Variants in OTOGL observed in about 807,000 individuals in gnomAD.
OTOGL encodes the protein otogelin-like protein.
In OTOGL, 285 loss-of-function variants were observed where a neutral mutation model predicts 318.5. That is an observed-to-expected ratio of 0.89 (90% confidence interval 0.81 to 0.99). The LOEUF (loss-of-function observed/expected upper bound fraction) is 0.99. OTOGL is among the 50% of genes least tolerant of loss of function. OTOGL has a pLI of 0.00. For synonymous variants in OTOGL, 987 were observed against 936.5 expected, an observed-to-expected ratio of 1.05 and a Z score of -0.99; for missense variants, 2,899 against 2,845.6, an observed-to-expected ratio of 1.02 and a Z score of -0.43.
intron 22 of OTOGL, among the ~76,000 whole-genome samples, chr12:80,269,120 T>A (rs1211583150): frequency 6.6e-6 from 1 of 152,108 alleles, no homozygotes; most frequent in African/African-American, 2.4e-5. Context: ...CAGTGGTGAA[T>A]CACACCTCTG....
chr12:80,302,889 T>A (rs1279942790), intron 28 of OTOGL, 106 bp downstream of exon 28: 1 of 1,073,158 alleles, frequency 9.3e-7, no homozygotes, highest in African/African-American at 1.6e-5. Context: ...AGAACTAGGT[T>A]ATATTTCCAG....
chr12:80,144,126 A>T (rs1355196955), intron 1 of OTOGL, among the ~76,000 whole-genome samples: 23 of 151,934 alleles, frequency 1.5e-4, no homozygotes, highest in Admixed American at 7.9e-4. Context: ...TACATATGTA[A>T]ACATGTGCCA....
At position 80,367,715 on chromosome 12, in the gene OTOGL, G is replaced by A; in HGVS notation, c.6486G>A (p.Val2162=). The A allele has an allele frequency of 7.0e-7, 1 of 1,431,750 alleles. No individual in the cohort carries two copies. Among genetic ancestry groups the A allele is most frequent in the Non-Finnish European group, 9.2e-7 (1 of 1,085,716 alleles). 88.7% of individuals were successfully genotyped at this position (1,431,750 alleles called of 1,614,324 possible). Residue 2162 remains valine (V), a synonymous_variant, in exon 54 of 59, where the codon GTG becomes GTA. Transcript: ENST00000547103. ...TTCACACTCTGAATTTTACACTGGT[G>A]AATTGTTCAAAAAAATGTGATGTTG... ...TGFHTLNFTL[V]NCSKKCDVHQ...
intron 1 of OTOGL, among the ~76,000 whole-genome samples, chr12:80,107,666 G>A (rs767724240): frequency 1.8e-4 from 27 of 151,888 alleles, no homozygotes; most frequent in Non-Finnish European, 2.6e-4. Flanking sequence ...TCATTGCAGC[G>A]CTGTTTACAA....
intron 1 of OTOGL, among the ~76,000 whole-genome samples, chr12:80,124,349 G>A (rs1054318884): frequency 6.5e-4 from 99 of 152,168 alleles, no homozygotes; most frequent in Admixed American, 2.2e-3. Context: ...GATAGTTGTA[G>A]ATATGCGGTA....
At position 80,352,454 on chromosome 12, in the gene OTOGL, G is replaced by GAAT. The variant is rs147703967; in HGVS notation, c.5407+20_5407+22dup. ...TTACTGCTGTGAGTAACTGTTAACTGAATATTTTTCCATCATAAATAAATT... is the reference window on the plus strand; with the variant it reads ...TTACTGCTGTGAGTAACTGTTAACTGAATAATATTTTTCCATCATAAATAAATT... On this transcript the variant is annotated intron_variant, in intron 45 of 58. Transcript: ENST00000547103. 1,514,941 of 1,516,136 alleles carry GAAT rather than the reference G, an allele frequency of 1. 756,883 individuals carry two copies. Among genetic ancestry groups the GAAT allele is most frequent in the Non-Finnish European group, 1 (1,128,379 of 1,128,398 alleles). 93.9% of individuals were successfully genotyped at this position (1,516,136 alleles called of 1,614,324 possible).
intron 1 of OTOGL, among the ~76,000 whole-genome samples, chr12:80,167,368 C>G (rs1345741012): frequency 6.6e-6 from 1 of 151,874 alleles, no homozygotes; most frequent in Non-Finnish European, 1.5e-5. Flanking sequence ...AATTGGAAGG[C>G]TTTTTTAAAA....
chr12:80,201,066 A>G (rs1232270670), intron 1 of OTOGL, among the ~76,000 whole-genome samples: 1 of 152,078 alleles, frequency 6.6e-6, no homozygotes, highest in Non-Finnish European at 1.5e-5. Context: ...ACCCTGTGGC[A>G]CCTCCCATCT....
intron 1 of OTOGL, among the ~76,000 whole-genome samples, chr12:80,149,648 C>T (rs1280964950): frequency 5.3e-5 from 8 of 152,238 alleles, no homozygotes; most frequent in African/African-American, 1.2e-4. Context: ...TGGGCAATGG[C>T]GGGCGCCCCT....
intron 4 of OTOGL, among the ~76,000 whole-genome samples, chr12:80,212,956 A>C (rs1240055215): frequency 6.6e-6 from 1 of 152,116 alleles, no homozygotes; most frequent in East Asian, 1.9e-4. Context: ...CCCAGATCCC[A>C]AGAGAGGGTT....
chr12:80,296,739 G>C, intron 26 of OTOGL, 88 bp from the exon 27 acceptor site: 1 of 1,034,356 alleles, frequency 9.7e-7, no homozygotes, highest in Non-Finnish European at 1.3e-6. Flanking sequence ...GCAATCCATT[G>C]TCAATATTTA....
At chr12:80,224,166 A>C (rs1475693405) in intron 7 of OTOGL, among the ~76,000 whole-genome samples, 1 of 152,082 alleles carries the variant, frequency 6.6e-6, no homozygotes, top group Non-Finnish European at 1.5e-5. Context: ...TTATCCCAGC[A>C]CCATTTGTTG....
intron 24 of OTOGL, among the ~76,000 whole-genome samples, chr12:80,275,840 T>C (rs1883761765): frequency 6.7e-6 from 1 of 149,028 alleles, no homozygotes; most frequent in South Asian, 2.1e-4. Flanking sequence ...ATCATTAACT[T>C]TTTTTTTTTG....
At chr12:80,301,351 A>G (rs1885746330) in intron 27 of OTOGL, among the ~76,000 whole-genome samples, 1 of 152,162 alleles carries the variant, frequency 6.6e-6, no homozygotes, top group Non-Finnish European at 1.5e-5. Flanking sequence ...TCTCTGCTTT[A>G]TCCTTTCTCC....
intron 1 of OTOGL, among the ~76,000 whole-genome samples, chr12:80,109,631 T>C (rs1869704601): frequency 6.6e-6 from 1 of 152,162 alleles, no homozygotes; most frequent in Non-Finnish European, 1.5e-5. Context: ...CTCAAAGGGA[T>C]CCATGTCTCT....
chr12:80,294,499 G>C (rs1486046589), intron 26 of OTOGL, among the ~76,000 whole-genome samples: 2 of 152,100 alleles, frequency 1.3e-5, no homozygotes, highest in Non-Finnish European at 2.9e-5. Context: ...AGGCAGAAAA[G>C]TATGACATTA....
rs546691704 is a variant in OTOGL, at chr12:80,123,302, C to T, written c.-20+23697C>T. Among the ~76,000 whole-genome samples, 8 of 151,884 alleles carry T rather than the reference C, an allele frequency of 5.3e-5. No individual in the cohort carries two copies. In the East Asian group the frequency reaches 5.8e-4, roughly 11 times the overall value. On this transcript the variant is annotated intron_variant, in intron 1 of 58. Coordinates refer to ENST00000547103, the MANE Select transcript of OTOGL (RefSeq NM_001378609.3). ...TGTGGTGTTTGGGTTTTTGTCCTTGCGATAGTTTGCTGAGAATGATGGTTT... is the reference window on the plus strand; with the variant it reads ...TGTGGTGTTTGGGTTTTTGTCCTTGTGATAGTTTGCTGAGAATGATGGTTT...
intron 8 of OTOGL, among the ~76,000 whole-genome samples, chr12:80,229,858 A>G (rs1050439998): frequency 1.3e-5 from 2 of 152,148 alleles, no homozygotes; most frequent in Non-Finnish European, 2.9e-5. Context: ...TTTCCACGGA[A>G]GTTCTGACAG....
intron 7 of OTOGL, among the ~76,000 whole-genome samples, chr12:80,228,711 T>A (rs1879099472): frequency 6.6e-6 from 1 of 152,116 alleles, no homozygotes; most frequent in African/African-American, 2.4e-5. Context: ...TCTTCTTTTC[T>A]TCCTTTCATT....
Sources: allele counts gnomAD v4.1 joint callset (sites outside exome capture counted in the v4.1 genomes callset), GRCh38; gene constraint gnomAD v4.1.1; transcripts MANE v1.5; gene names NCBI Gene and HGNC (gene_info 2026-07-23, HGNC 2026-07-21).